Variants in SPOCK3 observed in about 807,000 individuals in gnomAD.
The protein encoded by SPOCK3 is testican-3.
SPOCK3 carries 30 observed loss-of-function variants against 56.6 expected under a neutral mutation model. That is an observed-to-expected ratio of 0.53 (90% CI 0.40 to 0.72). SPOCK3 has a LOEUF of 0.72. SPOCK3 is among the 30% of genes least tolerant of loss of function. SPOCK3 has a pLI of 0.00. For missense variants in SPOCK3, 527 were observed against 530.0 expected (o/e 0.99, Z 0.06); for synonymous variants, 196 against 183.3 (o/e 1.07, Z -0.56).
intron 6 of SPOCK3, among the ~76,000 whole-genome samples, chr4:166,862,529 A>G (rs1731344678): frequency 6.6e-6 from 1 of 151,208 alleles, no homozygotes; most frequent in Non-Finnish European, 1.5e-5. Context: ...AATAATCTAA[A>G]CTTTAAACAT....
intron 2 of SPOCK3, among the ~76,000 whole-genome samples, chr4:167,100,855 A>G (rs1759578723): frequency 6.6e-6 from 1 of 152,160 alleles, no homozygotes; most frequent in South Asian, 2.1e-4. Flanking sequence ...TGTGAAATAG[A>G]GAGTGTTATA....
At chr4:167,088,080 G>A (rs1422008214) in intron 2 of SPOCK3, among the ~76,000 whole-genome samples, 2 of 152,022 alleles carry the variant, frequency 1.3e-5, no homozygotes, top group African/African-American at 2.4e-5. Flanking sequence ...CAAAAGTAAA[G>A]ATGGCTCTTT....
intron 2 of SPOCK3, among the ~76,000 whole-genome samples, chr4:167,140,484 T>C (rs887816607): frequency 6.6e-6 from 1 of 152,030 alleles, no homozygotes; most frequent in Non-Finnish European, 1.5e-5. Context: ...ATAGTTATAC[T>C]AGGTGACAGG....
intron 6 of SPOCK3, among the ~76,000 whole-genome samples, chr4:166,839,322 A>T (rs749433205): frequency 6.6e-5 from 10 of 152,090 alleles, no homozygotes; most frequent in Non-Finnish European, 1.2e-4. Context: ...GCCACCACTC[A>T]TATGGAATGT....
In SPOCK3 at chr4:166,846,404, T is replaced by C. The variant is rs146885757; in HGVS notation, c.589+42726A>G. ...CATATATAATTTTAGATATTGTAGA[T>C]TAATAGATTATCCTTTTTATTAATT... is the stretch of plus-strand genomic sequence containing the variant. On this transcript the variant is annotated intron_variant, in intron 6 of 10. Coordinates refer to ENST00000357545, the MANE Select transcript of SPOCK3 (RefSeq NM_001040159.2). Among the ~76,000 whole-genome samples, 34 of 152,228 alleles carry C rather than the reference T, an allele frequency of 2.2e-4. No homozygotes were observed. In the East Asian group the frequency reaches 6.4e-3, roughly 28 times the overall value.
intron 2 of SPOCK3, among the ~76,000 whole-genome samples, chr4:167,224,913 C>T (rs1736438923): frequency 6.6e-6 from 1 of 152,202 alleles, no homozygotes; most frequent in South Asian, 2.1e-4. Context: ...GATCTGCCCA[C>T]CTTGGCCTCC....
intron 6 of SPOCK3, among the ~76,000 whole-genome samples, chr4:166,803,292 C>T (rs1742812780): frequency 6.6e-6 from 1 of 152,074 alleles, no homozygotes; most frequent in African/African-American, 2.4e-5. Context: ...AACTTTGATT[C>T]ATAAATAATT....
At chr4:167,076,189 G>A (rs977469021) in intron 2 of SPOCK3, among the ~76,000 whole-genome samples, 2 of 151,850 alleles carry the variant, frequency 1.3e-5, no homozygotes, top group African/African-American at 4.8e-5. Flanking sequence ...GGGGAACAGG[G>A]AAACTATTTA....
chr4:167,161,660 A>T (rs936261041), intron 2 of SPOCK3, among the ~76,000 whole-genome samples: 1 of 152,108 alleles, frequency 6.6e-6, no homozygotes, highest in Non-Finnish European at 1.5e-5. Context: ...ACAATGATAG[A>T]CTGGATTAAG....
chr4:166,794,328 G>T (rs1218570912), intron 6 of SPOCK3, among the ~76,000 whole-genome samples: 1 of 151,516 alleles, frequency 6.6e-6, no homozygotes, highest in Non-Finnish European at 1.5e-5. Context: ...AAAGGGATAG[G>T]CACAAGAAAA....
At chr4:167,044,929 G>A (rs182280430) in intron 3 of SPOCK3, among the ~76,000 whole-genome samples, 245 of 152,124 alleles carry the variant, frequency 1.6e-3, no homozygotes, top group Middle Eastern at 3.4e-3. Context: ...AATTTTATCT[G>A]TTTCATTGAT....
At chr4:167,124,054 C>T (rs1762087556) in intron 2 of SPOCK3, among the ~76,000 whole-genome samples, 1 of 152,062 alleles carries the variant, frequency 6.6e-6, no homozygotes, top group Admixed American at 6.5e-5. Flanking sequence ...CCCAAAAAGA[C>T]ATTCTTAATG....
chr4:167,052,470 A>G (rs1432975011), intron 3 of SPOCK3, among the ~76,000 whole-genome samples: 1 of 152,212 alleles, frequency 6.6e-6, no homozygotes, highest in Non-Finnish European at 1.5e-5. Context: ...TTGTCCAAAA[A>G]TATTCAAAAC....
intron 5 of SPOCK3, among the ~76,000 whole-genome samples, chr4:166,889,454 G>A (rs892519160): frequency 1.3e-5 from 2 of 151,852 alleles, no homozygotes; most frequent in Non-Finnish European, 2.9e-5. Context: ...GTTGCTTTGG[G>A]TATCATTTTG....
intron 7 of SPOCK3, among the ~76,000 whole-genome samples, chr4:166,764,895 G>A (rs887426949): frequency 2.6e-5 from 4 of 151,772 alleles, no homozygotes; most frequent in African/African-American, 9.7e-5. Context: ...ACTGGTGTGA[G>A]ATGGTATCTC....
intron 6 of SPOCK3, among the ~76,000 whole-genome samples, chr4:166,794,249 T>C (rs1415672401): frequency 2.0e-5 from 3 of 146,666 alleles, no homozygotes; most frequent in African/African-American, 7.5e-5. Flanking sequence ...ACACTCTTGA[T>C]ATGAATGCTT....
At chr4:167,100,902 T>C (rs1298475924) in intron 2 of SPOCK3, among the ~76,000 whole-genome samples, 2 of 152,146 alleles carry the variant, frequency 1.3e-5, no homozygotes, top group African/African-American at 4.8e-5. Flanking sequence ...CATAATGAGT[T>C]TCTAGGATTT....
At chr4:166,858,596 G>A (rs1482327423) in intron 6 of SPOCK3, among the ~76,000 whole-genome samples, 1 of 151,884 alleles carries the variant, frequency 6.6e-6, no homozygotes, top group African/African-American at 2.4e-5. Flanking sequence ...ATCAAGTAGA[G>A]GTAACTTTAA....
intron 6 of SPOCK3, among the ~76,000 whole-genome samples, chr4:166,805,517 T>C (rs1464324432): frequency 6.6e-6 from 1 of 152,078 alleles, no homozygotes; most frequent in Non-Finnish European, 1.5e-5. Flanking sequence ...TCTGATAGAC[T>C]GGCAGATTAA....
Sources: allele counts gnomAD v4.1 joint callset (sites outside exome capture counted in the v4.1 genomes callset), GRCh38; gene constraint gnomAD v4.1.1; transcripts MANE v1.5; gene names NCBI Gene and HGNC (gene_info 2026-07-23, HGNC 2026-07-21).